The following ZNF263 variants were observed in gnomAD, a reference collection of about 807,000 sequenced individuals.
The protein encoded by ZNF263 is zinc finger protein FPM315.
ZNF263 carries 49 observed loss-of-function variants against 63.1 expected under a neutral mutation model. That is an observed-to-expected ratio of 0.78 (90% CI 0.62 to 0.99). The LOEUF (loss-of-function observed/expected upper bound fraction) is 0.99. Ranked by LOEUF, ZNF263 falls within the 50% of genes least tolerant of loss-of-function variation. The pLI is 0.00. For synonymous variants in ZNF263, 352 were observed against 324.2 expected, an observed-to-expected ratio of 1.09 and a Z score of -0.92; for missense variants, 872 against 854.8, an observed-to-expected ratio of 1.02 and a Z score of -0.25.
chr16:3,300,503 T>C, intron 2 of ZNF263: 1 of 1,614,186 alleles, frequency 6.2e-7, no homozygotes, highest in Non-Finnish European at 8.5e-7. Flanking sequence ...GTTGACTTAC[T>C]GATTCCAAAT....
At chr16:3,300,553 C>A in intron 2 of ZNF263, 1 of 1,609,572 alleles carries the variant, frequency 6.2e-7, no homozygotes, top group Non-Finnish European at 8.5e-7. Flanking sequence ...AGCTTCAATT[C>A]TACTTAGAAC....
At chr16:3,300,643 G>T (rs747441124) in intron 2 of ZNF263, 121 of 1,518,278 alleles carry the variant, frequency 8.0e-5, no homozygotes, top group Non-Finnish European at 9.9e-5. Context: ...CCACCAACAG[G>T]AGAAAACAAA....
intron 5 of ZNF263, among the ~76,000 whole-genome samples, 159 bp from the exon 6 acceptor site, chr16:3,289,234 A>C (rs1414620480): frequency 6.6e-6 from 1 of 152,072 alleles, no homozygotes; most frequent in Non-Finnish European, 1.5e-5. Context: ...CTTTATCCTG[A>C]TGCTTCTCCA....
downstream of ZNF263, among the ~76,000 whole-genome samples, chr16:3,293,749 G>C (rs1356180989): frequency 6.6e-6 from 1 of 152,216 alleles, no homozygotes; most frequent in Admixed American, 6.5e-5. Context: ...GCGTCAGGCT[G>C]GGGAGCAATG....
intron 1 of ZNF263, chr16:3,298,892 T>C (rs1402941266): frequency 3.7e-6 from 2 of 541,948 alleles, no homozygotes; most frequent in African/African-American, 1.9e-5. Context: ...TACAAAATAA[T>C]GTCAGTTGCT....
chr16:3,291,744 A>G (rs1959618253), downstream of ZNF263, among the ~76,000 whole-genome samples: 1 of 152,220 alleles, frequency 6.6e-6, no homozygotes, highest in Non-Finnish European at 1.5e-5. Flanking sequence ...AGCAGTAAAA[A>G]TGTTTTCAAT....
chr16:3,293,122 C>G (rs1259253226), downstream of ZNF263: 1 of 152,234 alleles, frequency 6.6e-6, no homozygotes, highest in African/African-American at 2.4e-5. Context: ...AATCTCATCT[C>G]TAATTGTTAT....
At position 3,284,017 on chromosome 16, in the gene ZNF263, C is replaced by T. The variant is rs1959247350; in HGVS notation, c.199C>T (p.His67Tyr). Residue 67 changes from histidine to tyrosine, a missense_variant, in exon 1 of 6, where the codon CAT becomes TAT. Physicochemically the swap from His to Tyr is moderately conservative, Grantham distance 83 (BLOSUM62 2). Coordinates refer to ENST00000219069, the MANE Select transcript of ZNF263 (RefSeq NM_005741.5). ...CCTCAGCCGGCTCCAAGAGCTTTGC[C>T]ATGGGTGGCTTCGGCCTGAGATGCG... ...EALSRLQELC[H>Y]GWLRPEMRTK... 1.2e-6 allele frequency: 2 copies of T among 1,613,702 alleles called. No individual in the cohort carries two copies. Among genetic ancestry groups the T allele is most frequent in the African/African-American group, 1.3e-5 (1 of 74,930 alleles).
chr16:3,300,182 C>T (rs780165480), intron 2 of ZNF263: 1 of 1,614,230 alleles, frequency 6.2e-7, no homozygotes, highest in East Asian at 2.2e-5. Flanking sequence ...GAACTTAGGA[C>T]TTGTTCCCCA....
At chr16:3,300,182 C>G (rs780165480) in intron 2 of ZNF263, 1 of 1,614,230 alleles carries the variant, frequency 6.2e-7, no homozygotes, top group Admixed American at 1.7e-5. Flanking sequence ...GAACTTAGGA[C>G]TTGTTCCCCA....
At position 3,290,106 on chromosome 16, in the gene ZNF263, G is replaced by A. The variant is rs34236132; in HGVS notation, c.1600G>A (p.Val534Ile). The A allele has an allele frequency of 1.2e-3, 1,962 of 1,613,590 alleles. 10 individuals are homozygous for A. In the African/African-American group the frequency reaches 0.014, roughly 11 times the overall value. ...AAGTTTCTCTCGGAGTTCACACCTC[G>A]TCATTCACGAAAGAACTCATGAGAG... is the stretch of plus-strand genomic sequence containing the variant. ...GKSFSRSSHL[V>I]IHERTHERER... Residue 534 changes from valine (V) to isoleucine (I), a missense_variant, in exon 6 of 6, where the codon GTC becomes ATC. By Grantham distance (29) the Val-to-Ile change is conservative. Coordinates refer to ENST00000219069, the MANE Select transcript of ZNF263 (RefSeq NM_005741.5).
chr16:3,299,311 T>C (rs1959861715), intron 2 of ZNF263: 4 of 1,604,468 alleles, frequency 2.5e-6, no homozygotes, highest in Non-Finnish European at 3.4e-6. Flanking sequence ...CCTATCATCA[T>C]CCAACTTAGT....
downstream of ZNF263, among the ~76,000 whole-genome samples, chr16:3,295,100 G>C (rs118107462): frequency 9.3e-3 from 1,409 of 152,286 alleles, 22 homozygotes; most frequent in Non-Finnish European, 0.016. Context: ...CCCCAGGAGT[G>C]ATTTGCAGAA....
chr16:3,299,702 C>A, intron 2 of ZNF263: 1 of 1,537,380 alleles, frequency 6.5e-7, no homozygotes, highest in Non-Finnish European at 8.7e-7. Context: ...GTTAGGGATT[C>A]AGAGGAAGGA....
chr16:3,283,915 C>T lies in ZNF263; in HGVS notation c.97C>T (p.Pro33Ser), dbSNP rs766866736. The stretch of plus-strand genomic sequence containing the variant: ...GAGCCAGGAGCTGCCCCCACCTGAC[C>T]CAGGACCGAGCCCCGAGGCCTCCCA... ...AWSQELPPPDPGPSPEASHLR... is the reference protein window; with the variant it reads ...AWSQELPPPDSGPSPEASHLR... Residue 33 changes from proline to serine, a missense_variant, in exon 1 of 6, where the codon CCA becomes TCA. Transcript: ENST00000219069. The T allele has an allele frequency of 3.7e-6, 6 of 1,613,504 alleles. No homozygotes were observed. Among genetic ancestry groups the T allele is most frequent in the Admixed American group, 1.7e-5 (1 of 60,018 alleles).
chr16:3,284,297 T>C (rs573348796), intron 1 of ZNF263, 92 bp downstream of exon 1: 32 of 1,430,412 alleles, frequency 2.2e-5, no homozygotes. Context: ...TAAATTGCCC[T>C]GAGTAGACCT....
Position 3,297,953 on chromosome 16 carries a change from C to G in ZNF263, c.152-1153C>G, listed in dbSNP as rs566693248. Among the ~76,000 whole-genome samples the G allele has an allele frequency of 3.3e-5, 5 of 152,232 alleles. No homozygotes were observed. The South Asian group carries it at 1.0e-3, about 32-fold the overall frequency. On this transcript the variant is annotated intron_variant, in intron 1 of 2. Transcript: ENST00000574674. ...CAAAAACTAAGAGCTTAACAATATT[C>G]AATGTTGGGATTGGTGCATTGGGAG... is the stretch of plus-strand genomic sequence containing the variant.
At position 3,290,669 on chromosome 16, in the gene ZNF263, G is replaced by T; in HGVS notation, c.*111G>T. On this transcript the variant is annotated 3_prime_UTR_variant, in exon 6 of 6. Coordinates refer to ENST00000219069, the MANE Select transcript of ZNF263 (RefSeq NM_005741.5). ...ACCAAATGACCTCTGCATTCTTCAG[G>T]TAATGGGGGCTCATTGTGAGGGAGG... The T allele has an allele frequency of 6.8e-7, 1 of 1,461,034 alleles. No individual in the cohort carries two copies. 90.5% of individuals were successfully genotyped at this position (1,461,034 alleles called of 1,614,324 possible).
Position 3,290,312 on chromosome 16 carries a change from G to A in ZNF263, c.1806G>A (p.Pro602=), listed in dbSNP as rs147973585. 314 of 1,613,546 alleles carry A rather than the reference G, an allele frequency of 1.9e-4. 1 individual carries two copies. The African/African-American group carries it at 2.8e-3, about 14-fold the overall frequency. ...RHQRTHTGEK[P]YKCTLCGENF... ...AGAGAACACACACAGGAGAGAAACC[G>A]TATAAATGTACCCTTTGTGGGGAAA... Residue 602 remains proline, a synonymous_variant, in exon 6 of 6, where the codon CCG becomes CCA. Coordinates refer to ENST00000219069, the MANE Select transcript of ZNF263 (RefSeq NM_005741.5).
Sources: gnomAD v4.1 joint callset for allele counts (sites outside exome capture counted in the v4.1 genomes callset) on GRCh38, gnomAD v4.1.1 for gene constraint, MANE v1.5 for transcripts, NCBI Gene and HGNC (gene_info 2026-07-23, HGNC 2026-07-21) for gene names.